The following FBXO11 variants were observed in gnomAD, a reference collection of about 807,000 sequenced individuals.
The protein encoded by FBXO11 is F-box protein 11, also known as F-box only protein 11.
FBXO11 carries 13 observed loss-of-function variants against 117.0 expected under a neutral mutation model. The ratio of observed to expected loss-of-function variants is 0.11; its 90% CI spans 0.07 to 0.18. The LOEUF (loss-of-function observed/expected upper bound fraction) is 0.18. Among genes scored for constraint, FBXO11 ranks in the 10% least tolerant of loss-of-function variants. FBXO11 has a pLI of 1.00. For synonymous variants in FBXO11, 490 were observed against 380.5 expected (o/e 1.29, Z -3.35); for missense variants, 767 against 1,164.4 (o/e 0.66, Z 4.97).
At chr2:47,839,891 C>T (rs1021071953) in intron 1 of FBXO11, 122 bp from the exon 2 acceptor site, 4 of 757,938 alleles carry the variant, frequency 5.3e-6, no homozygotes, top group African/African-American at 3.6e-5. Flanking sequence ...ATATGAAATT[C>T]CAACCAACTG....
intron 1 of FBXO11, among the ~76,000 whole-genome samples, chr2:47,901,458 T>C (rs2104091214): frequency 6.6e-6 from 1 of 152,240 alleles, no homozygotes; most frequent in Admixed American, 6.5e-5. Context: ...TCATCTTTTA[T>C]TAAAAGGTAA....
In FBXO11 at chr2:47,900,712, A is replaced by C. The variant is rs1319453307; in HGVS notation, c.232+4777T>G. Among the ~76,000 whole-genome samples the C allele has an allele frequency of 5.2e-5, 7 of 133,586 alleles. 1 individual carries two copies. The highest frequency in any genetic ancestry group is 1.1e-4 in the Non-Finnish European group (7 of 61,576). The allele number at this position is 133,586 out of a possible 152,430, so 87.6% of individuals were successfully genotyped here. A position where few individuals can be genotyped will look rare whatever the true frequency, so the allele number is the denominator to read the frequency against. On this transcript the variant is annotated intron_variant, in intron 1 of 22. Coordinates refer to ENST00000403359, the MANE Select transcript of FBXO11 (RefSeq NM_001190274.2). The stretch of plus-strand genomic sequence containing the variant: ...CACACGTATACACACACGTGTATAT[A>C]TATACACGTATACACACACGTGTAT...
rs376383411 is a variant in FBXO11 at position 47,892,117 on chromosome 2, T to A, written c.232+13372A>T. ...CCTTTGCTGTGTAGAAGCTTTATAG[T>A]TTGATGTCTCACTTGTCTATTTTTA... On this transcript the variant is annotated intron_variant, in intron 1 of 22. Transcript: ENST00000403359. Among the ~76,000 whole-genome samples the A allele has an allele frequency of 2.9e-4, 44 of 152,334 alleles. No homozygotes were observed. In the East Asian group the frequency reaches 8.5e-3, roughly 29 times the overall value.
chr2:47,890,758 T>G (rs1572913534), intron 1 of FBXO11, among the ~76,000 whole-genome samples: 1 of 151,660 alleles, frequency 6.6e-6, no homozygotes, highest in Admixed American at 6.6e-5. Context: ...GAGCCAAGAC[T>G]GGGCCACTGT....
At chr2:47,854,260 T>A (rs992438381) in intron 1 of FBXO11, among the ~76,000 whole-genome samples, 1 of 151,978 alleles carries the variant, frequency 6.6e-6, no homozygotes, top group African/African-American at 2.4e-5. Context: ...CCAGGACTTT[T>A]TTTTTTTTTT....
intron 1 of FBXO11, among the ~76,000 whole-genome samples, chr2:47,881,260 A>G (rs1440128280): frequency 6.6e-6 from 1 of 152,190 alleles, no homozygotes; most frequent in Non-Finnish European, 1.5e-5. Context: ...TCAAAAAAAG[A>G]AAGAAACAAA....
chr2:47,808,750 TCAAA>T (rs553703717), intron 21 of FBXO11: 2 of 303,486 alleles, frequency 6.6e-6, no homozygotes, highest in East Asian at 5.9e-5. Flanking sequence ...CTGGGATATA[TCAAA>T]CACTTAACCC....
Position 47,807,537 on chromosome 2 carries a change from C to G in FBXO11, c.*581G>C, listed in dbSNP as rs1233822974. ...GAACGTACATACTGGGACATGAGTA[C>G]AGTTACAGCAAGTCTAGGTGTGCTA... On this transcript the variant is annotated 3_prime_UTR_variant, in exon 23 of 23. Transcript: ENST00000403359. The G allele has an allele frequency of 1.4e-5, 3 of 211,656 alleles. No homozygotes were observed. Among genetic ancestry groups the G allele is most frequent in the African/African-American group, 6.8e-5 (3 of 44,086 alleles). 13.1% of individuals were successfully genotyped at this position (211,656 alleles called of 1,614,324 possible). A position where few individuals can be genotyped will look rare whatever the true frequency, so the allele number is the denominator to read the frequency against.
chr2:47,861,560 A>C (rs1395927963), intron 1 of FBXO11, among the ~76,000 whole-genome samples: 1 of 152,084 alleles, frequency 6.6e-6, no homozygotes, highest in Non-Finnish European at 1.5e-5. Flanking sequence ...GGGCTCAAGC[A>C]ATCCTCCCAT....
intron 16 of FBXO11, 120 bp downstream of exon 16, chr2:47,818,659 G>A (rs2710158): frequency 3.3e-5 from 22 of 667,330 alleles, no homozygotes; most frequent in Non-Finnish European, 4.6e-5. Context: ...TTTTAAGAAT[G>A]TGAATATATA....
intron 16 of FBXO11, 21 bp from the exon 17 acceptor site, chr2:47,813,888 A>G (rs1670810057): frequency 3.2e-6 from 5 of 1,572,776 alleles, no homozygotes; most frequent in Admixed American, 1.7e-5. Flanking sequence ...AATAGACAAT[A>G]ATACCATTTC....
rs1372645145 is a variant in FBXO11 at position 47,839,410 on chromosome 2, A to G, written c.442+9T>C. ...TTTACCCTATTTGTTACTTTCCCAC[A>G]GGAAATACCTGATAGATCTTGTGAT... On this transcript the variant is annotated intron_variant, in intron 3 of 22. Transcript: ENST00000403359. 6.3e-7 allele frequency: 1 copy of G among 1,597,748 alleles called. No individual in the cohort carries two copies. The highest frequency in any genetic ancestry group is 1.8e-5 in the Admixed American group (1 of 54,852).
At chr2:47,861,335 T>G (rs1674759732) in intron 1 of FBXO11, among the ~76,000 whole-genome samples, 1 of 151,616 alleles carries the variant, frequency 6.6e-6, no homozygotes, top group African/African-American at 2.4e-5. Flanking sequence ...TTTTTTTTTT[T>G]TGAGACAAGA....
At chr2:47,891,315 C>T (rs1032057248) in intron 1 of FBXO11, among the ~76,000 whole-genome samples, 4 of 152,220 alleles carry the variant, frequency 2.6e-5, no homozygotes, top group African/African-American at 7.2e-5. Flanking sequence ...CTGACAACCA[C>T]GATTCCACTC....
chr2:47,882,560 T>G (rs1247023607), intron 1 of FBXO11, among the ~76,000 whole-genome samples: 1 of 152,204 alleles, frequency 6.6e-6, no homozygotes, highest in East Asian at 1.9e-4. Context: ...AAAAATAAAA[T>G]CTTTATTTCC....
Position 47,854,136 on chromosome 2 carries a change from T to C in FBXO11, c.233-14367A>G, listed in dbSNP as rs112986600. ...ATAAAAGTATGTTCACTTAGAAAAT[T>C]TGAATAAAGAAAAAACACACAAAAG... On this transcript the variant is annotated intron_variant, in intron 1 of 22. Transcript: ENST00000403359. Among the ~76,000 whole-genome samples, 387 of 152,344 alleles carry C rather than the reference T, an allele frequency of 2.5e-3. 4 individuals carry two copies. Among genetic ancestry groups the C allele is most frequent in the African/African-American group, 8.7e-3 (360 of 41,586 alleles).
intron 18 of FBXO11, chr2:47,811,173 C>A (rs142432543): frequency 6.6e-6 from 1 of 152,292 alleles, no homozygotes; most frequent in Non-Finnish European, 1.5e-5. Context: ...TCCCTCATTT[C>A]CCTCTGCATA....
chr2:47,843,380 T>C (rs573412547), intron 1 of FBXO11, among the ~76,000 whole-genome samples: 1 of 152,298 alleles, frequency 6.6e-6, no homozygotes, highest in South Asian at 2.1e-4. Context: ...GGTTTATTCA[T>C]TGGCTTCTGA....
chr2:47,835,617 C>G (rs1289097316), intron 5 of FBXO11, among the ~76,000 whole-genome samples: 1 of 152,046 alleles, frequency 6.6e-6, no homozygotes, highest in Non-Finnish European at 1.5e-5. Context: ...CCTGCCTTAG[C>G]CTCCGAAGTA....
Sources: gnomAD v4.1 joint callset for allele counts (sites outside exome capture counted in the v4.1 genomes callset) on GRCh38, gnomAD v4.1.1 for gene constraint, MANE v1.5 for transcripts, NCBI Gene and HGNC (gene_info 2026-07-23, HGNC 2026-07-21) for gene names.